The following DPP10 variants were observed in gnomAD, a reference collection of about 807,000 sequenced individuals.
DPP10 encodes dipeptidyl peptidase like 10, also known as inactive dipeptidyl peptidase 10.
Under a neutral mutation model 120.9 loss-of-function variants are expected in DPP10, and 33 were observed. The ratio of observed to expected loss-of-function variants is 0.27; its 90% confidence interval spans 0.21 to 0.37. The LOEUF (loss-of-function observed/expected upper bound fraction) is 0.37. Among genes scored for constraint, DPP10 ranks in the 10% least tolerant of loss-of-function variants. The pLI is 1.00. For synonymous variants in DPP10, 337 were observed against 326.1 expected (o/e 1.03, Z -0.36); for missense variants, 816 against 942.8 (o/e 0.87, Z 1.76).
intron 2 of DPP10, among the ~76,000 whole-genome samples, chr2:115,337,114 C>T (rs1044900110): frequency 3.4e-5 from 5 of 145,088 alleles, no homozygotes; most frequent in African/African-American, 1.3e-4. Flanking sequence ...GAATTTAAGA[C>T]ATATTGTAGA....
intron 7 of DPP10, among the ~76,000 whole-genome samples, chr2:115,699,172 A>G (rs925454183): frequency 7.2e-5 from 11 of 152,138 alleles, no homozygotes; most frequent in Non-Finnish European, 1.3e-4. Flanking sequence ...TGGATAACCT[A>G]GACGAAATGA....
chr2:115,244,577 TGAGA>T (rs1323051320), intron 1 of DPP10, among the ~76,000 whole-genome samples: 1 of 151,778 alleles, frequency 6.6e-6, no homozygotes, highest in East Asian at 1.9e-4. Flanking sequence ...AAAATTATAG[TGAGA>T]GAGAGAATGT....
intron 1 of DPP10, among the ~76,000 whole-genome samples, chr2:115,253,374 C>T (rs1574175316): frequency 6.6e-6 from 1 of 152,162 alleles, no homozygotes; most frequent in East Asian, 1.9e-4. Context: ...TTCCTTCTCA[C>T]ATTACAAAAT....
intron 3 of DPP10, among the ~76,000 whole-genome samples, chr2:115,410,861 C>T (rs1167286216): frequency 6.6e-6 from 1 of 152,098 alleles, no homozygotes; most frequent in Non-Finnish European, 1.5e-5. Context: ...ATTTAAACAT[C>T]ATTTTAATAG....
chr2:114,481,357 C>G (rs1450346223), intron 1 of DPP10, among the ~76,000 whole-genome samples: 2 of 151,832 alleles, frequency 1.3e-5, no homozygotes. Context: ...CAAATTAAAA[C>G]CACAATAAAA....
At chr2:115,145,943 C>T (rs2051199134) in intron 1 of DPP10, among the ~76,000 whole-genome samples, 1 of 152,014 alleles carries the variant, frequency 6.6e-6, no homozygotes, top group Non-Finnish European at 1.5e-5. Flanking sequence ...GGTATACTAC[C>T]ACTGCTGCCA....
intron 5 of DPP10, among the ~76,000 whole-genome samples, chr2:115,651,137 T>C (rs59638221): frequency 0.082 from 12,478 of 152,078 alleles, 1,744 homozygotes; most frequent in African/African-American, 0.29. Context: ...GTCTCTGTGT[T>C]TCCCATCACC....
intron 1 of DPP10, chr2:115,131,001 A>G (rs1257694906): frequency 1.3e-5 from 2 of 151,990 alleles, no homozygotes; most frequent in Non-Finnish European, 2.9e-5. Flanking sequence ...TTCCTAATCA[A>G]TTTTTCTTAC....
At chr2:115,455,056 A>C (rs1483588156) in intron 3 of DPP10, among the ~76,000 whole-genome samples, 1 of 151,064 alleles carries the variant, frequency 6.6e-6, no homozygotes, top group African/African-American at 2.4e-5. Context: ...TGAATATGAA[A>C]TAAATATAAA....
At position 114,478,354 on chromosome 2, in the gene DPP10, C is replaced by G. The variant is rs540837290; in HGVS notation, c.60+35516C>G. On this transcript the variant is annotated intron_variant, in intron 1 of 25. Coordinates refer to ENST00000410059, the MANE Select transcript of DPP10 (RefSeq NM_020868.6). ...CAGTTTACCTAGAAAAATAATTTAA[C>G]AGAATCTGATATTTATTTACTGCAA... 3.1e-3 allele frequency among the ~76,000 whole-genome samples: 467 copies of G among 151,994 alleles called. 3 individuals carry two copies. The highest frequency in any genetic ancestry group is 0.011 in the African/African-American group (455 of 41,486).
chr2:115,840,135 TG>T (rs1689936935), intron 24 of DPP10, among the ~76,000 whole-genome samples: 1 of 151,432 alleles, frequency 6.6e-6, no homozygotes, highest in Non-Finnish European at 1.5e-5. Flanking sequence ...TATAAAAATA[TG>T]TGTACCATTA....
chr2:115,405,704 T>G (rs1193683593), intron 3 of DPP10, among the ~76,000 whole-genome samples: 1 of 152,294 alleles, frequency 6.6e-6, no homozygotes, highest in South Asian at 2.1e-4. Flanking sequence ...CATATGGATG[T>G]GGATATTGCC....
chr2:115,700,900 ATAC>A (rs1351555363), intron 7 of DPP10, among the ~76,000 whole-genome samples: 1 of 152,132 alleles, frequency 6.6e-6, no homozygotes, highest in African/African-American at 2.4e-5. Context: ...TGAAAGACTC[ATAC>A]AATGAAAACT....
chr2:115,739,859 T>G lies in DPP10; in HGVS notation c.818T>G (p.Leu273Trp). 1 of 1,613,512 alleles carries G rather than the reference T, an allele frequency of 6.2e-7. No homozygotes were observed. Among genetic ancestry groups the G allele is most frequent in the Non-Finnish European group, 8.5e-7 (1 of 1,179,498 alleles). The change falls in exon 9 of 26, where the codon TTG (leucine) becomes TGG (tryptophan). Residue 273 changes from leucine (L) to tryptophan (W), a missense_variant. Around this residue, in one of 3 missense-constraint regions of DPP10, gnomAD observed 592 missense variants for 649.0 expected, o/e 0.91. Coordinates refer to ENST00000410059, the MANE Select transcript of DPP10 (RefSeq NM_020868.6). ...GTTATCCCTCGGTTTACTGGAGCGT[T>G]GTATCCCAAAGGAAAGCAGTATCCG... ...TMVIPRFTGALYPKGKQYPYP... is the reference protein window; with the variant it reads ...TMVIPRFTGAWYPKGKQYPYP...
chr2:115,396,170 G>T (rs1245261400), intron 3 of DPP10, among the ~76,000 whole-genome samples: 2 of 152,144 alleles, frequency 1.3e-5, no homozygotes, highest in Non-Finnish European at 2.9e-5. Context: ...AGATTGTCAA[G>T]CTTGATTATT....
At chr2:115,355,637 A>C (rs901593293) in intron 3 of DPP10, among the ~76,000 whole-genome samples, 1 of 152,086 alleles carries the variant, frequency 6.6e-6, no homozygotes, top group Non-Finnish European at 1.5e-5. Context: ...GCCCATGCCT[A>C]TGTCCTGAAT....
intron 3 of DPP10, among the ~76,000 whole-genome samples, chr2:115,419,919 C>G (rs897250016): frequency 6.6e-6 from 1 of 152,016 alleles, no homozygotes; most frequent in African/African-American, 2.4e-5. Flanking sequence ...GAATCTTTAC[C>G]TCTTGTGGTT....
intron 1 of DPP10, among the ~76,000 whole-genome samples, chr2:115,060,152 A>G (rs1460876429): frequency 1.3e-5 from 2 of 151,130 alleles, no homozygotes; most frequent in East Asian, 3.9e-4. Flanking sequence ...TTAACACACC[A>G]TATAAATGTC....
chr2:115,500,281 G>A (rs942649151), intron 4 of DPP10, among the ~76,000 whole-genome samples: 2 of 151,700 alleles, frequency 1.3e-5, no homozygotes, highest in Admixed American at 6.6e-5. Context: ...CAACACCAAC[G>A]AAAAATAGTA....
Sources: gnomAD v4.1 joint callset for allele counts (sites outside exome capture counted in the v4.1 genomes callset) on GRCh38, gnomAD v4.1.1 for gene constraint, gnomAD v4.1.1 regional missense constraint, MANE v1.5 for transcripts, NCBI Gene and HGNC (gene_info 2026-07-23, HGNC 2026-07-21) for gene names.